KDM4C: variants seen among roughly 807,000 people sequenced by gnomAD.
The protein encoded by KDM4C is lysine-specific demethylase 4C.
In KDM4C, 81 loss-of-function variants were observed where a neutral mutation model predicts 129.3. The ratio of observed to expected loss-of-function variants is 0.63; its 90% CI spans 0.52 to 0.75. The LOEUF is 0.75. Ranked by LOEUF, KDM4C falls within the 30% of genes least tolerant of loss-of-function variation. KDM4C has a pLI of 0.00. For synonymous variants in KDM4C, 573 were observed against 456.1 expected, an observed-to-expected ratio of 1.26 and a Z score of -3.26; for missense variants, 1,457 against 1,304.0, an observed-to-expected ratio of 1.12 and a Z score of -1.81.
At chr9:7,017,326 G>A (rs1195861153) in intron 15 of KDM4C, among the ~76,000 whole-genome samples, 1 of 152,128 alleles carries the variant, frequency 6.6e-6, no homozygotes. Flanking sequence ...TTTCTGGTCT[G>A]TACTAGGCAT....
chr9:6,787,603 T>A (rs1436427204), intron 1 of KDM4C, among the ~76,000 whole-genome samples: 1 of 152,242 alleles, frequency 6.6e-6, no homozygotes, highest in Non-Finnish European at 1.5e-5. Flanking sequence ...TCAAGAAATT[T>A]TGTTCAGAAT....
chr9:7,005,692 G>T (rs1821540801), intron 12 of KDM4C, among the ~76,000 whole-genome samples: 1 of 152,278 alleles, frequency 6.6e-6, no homozygotes, highest in Admixed American at 6.5e-5. Context: ...TAGAGGGGAA[G>T]GATCATCATG....
Position 6,732,107 on chromosome 9 carries a change from T to C in KDM4C, c.49+11110T>C, listed in dbSNP as rs530710748. Among the ~76,000 whole-genome samples, 58 of 151,758 alleles carry C rather than the reference T, an allele frequency of 3.8e-4. No homozygotes were observed. In the South Asian group the frequency reaches 6.1e-3, roughly 16 times the overall value. ...CTGGGGCTGGGTGTGGTGGCTCACA[T>C]CTGTAATCCCAGCACTTGGGAGGCC... On this transcript the variant is annotated intron_variant, in intron 1 of 17. Transcript: ENST00000536108.
At chr9:7,120,277 T>C (rs1839356012) in intron 18 of KDM4C, among the ~76,000 whole-genome samples, 1 of 152,216 alleles carries the variant, frequency 6.6e-6, no homozygotes, top group African/African-American at 2.4e-5. Flanking sequence ...CTTTCCTCCT[T>C]CTTCAGGTTG....
intron 4 of KDM4C, among the ~76,000 whole-genome samples, chr9:6,831,079 G>A (rs1834727913): frequency 2.0e-5 from 3 of 152,144 alleles, no homozygotes; most frequent in Non-Finnish European, 4.4e-5. Context: ...GTTAGATCAC[G>A]TTAGTGTCAT....
At chr9:7,147,964 G>A (rs1842366767) in intron 19 of KDM4C, among the ~76,000 whole-genome samples, 1 of 152,290 alleles carries the variant, frequency 6.6e-6, no homozygotes, top group South Asian at 2.1e-4. Context: ...TCATGCTACT[G>A]GCCCGGATCC....
intron 19 of KDM4C, among the ~76,000 whole-genome samples, chr9:7,131,515 A>G (rs1374349010): frequency 5.3e-5 from 8 of 152,128 alleles, no homozygotes; most frequent in African/African-American, 1.9e-4. Flanking sequence ...ATGGGGTCTC[A>G]CCATGTTGCC....
chr9:6,893,458 GA>G (rs1846391839), intron 8 of KDM4C: 11 of 354,052 alleles, frequency 3.1e-5, no homozygotes, highest in Middle Eastern at 7.7e-4. Context: ...AATTTACCCT[GA>G]TAGGTAATTT....
At chr9:7,141,661 C>T (rs1442046486) in intron 19 of KDM4C, among the ~76,000 whole-genome samples, 2 of 152,124 alleles carry the variant, frequency 1.3e-5, no homozygotes, top group Non-Finnish European at 2.9e-5. Flanking sequence ...CTTCCAGGCC[C>T]AGGATGATGA....
intron 8 of KDM4C, among the ~76,000 whole-genome samples, chr9:6,947,683 A>G (rs1827227031): frequency 6.6e-6 from 1 of 152,122 alleles, no homozygotes; most frequent in South Asian, 2.1e-4. Flanking sequence ...AATTGTTTCA[A>G]ATAACCTGAA....
chr9:6,868,080 G>A (rs1842323846), intron 5 of KDM4C, among the ~76,000 whole-genome samples: 1 of 151,998 alleles, frequency 6.6e-6, no homozygotes, highest in Non-Finnish European at 1.5e-5. Flanking sequence ...AGCTGATATG[G>A]ATGAAATGTG....
In KDM4C at chr9:7,029,092, C is replaced by A. The variant is rs572846340; in HGVS notation, c.2259+13163C>A. Among the ~76,000 whole-genome samples, 5 of 152,218 alleles carry A rather than the reference C, an allele frequency of 3.3e-5. No individual in the cohort carries two copies. In the East Asian group the frequency reaches 9.6e-4, roughly 29 times the overall value. On this transcript the variant is annotated intron_variant, in intron 15 of 21. Coordinates refer to ENST00000381309, the MANE Select transcript of KDM4C (RefSeq NM_015061.6). ...TGGTGTTCCTCCAGAGGGGATGATT[C>A]GTGGAGCCTTCTATTTGGCCATCTT... is the stretch of plus-strand genomic sequence containing the variant.
At chr9:6,966,541 C>A (rs1180036838) in intron 8 of KDM4C, among the ~76,000 whole-genome samples, 1 of 152,170 alleles carries the variant, frequency 6.6e-6, no homozygotes, top group South Asian at 2.1e-4. Context: ...GCATGAAGAT[C>A]AGAAACAAAT....
intron 21 of KDM4C, chr9:7,170,141 G>A (rs1264345462): frequency 4.7e-5 from 64 of 1,361,700 alleles, no homozygotes; most frequent in Non-Finnish European, 5.8e-5. Flanking sequence ...GACATTTATT[G>A]GTGCACAAAA....
At chr9:7,077,138 G>A in intron 17 of KDM4C, 1 of 985,398 alleles carries the variant, frequency 1.0e-6, no homozygotes, top group Non-Finnish European at 1.2e-6. Flanking sequence ...ACACTGGGCT[G>A]ACAGATGTTG....
chr9:6,749,890 G>A (rs1347462083), intron 1 of KDM4C, among the ~76,000 whole-genome samples: 4 of 149,082 alleles, frequency 2.7e-5, no homozygotes, highest in Non-Finnish European at 5.9e-5. Flanking sequence ...GGAGGCCGAG[G>A]CACAAGAATC....
chr9:7,049,374 A>G (rs967653243), intron 17 of KDM4C, among the ~76,000 whole-genome samples, 174 bp downstream of exon 17: 1 of 151,988 alleles, frequency 6.6e-6, no homozygotes, highest in Non-Finnish European at 1.5e-5. Flanking sequence ...TTTTCCTGTT[A>G]TATTGTAAGT....
At chr9:7,067,892 T>A (rs936058442) in intron 17 of KDM4C, among the ~76,000 whole-genome samples, 1 of 151,890 alleles carries the variant, frequency 6.6e-6, no homozygotes, top group East Asian at 1.9e-4. Context: ...GTCTCCCGGG[T>A]TCATGCCATT....
At chr9:6,752,158 C>A (rs1371678438) in intron 1 of KDM4C, among the ~76,000 whole-genome samples, 1 of 149,956 alleles carries the variant, frequency 6.7e-6, no homozygotes, top group East Asian at 2.0e-4. Context: ...ACGGTGAAAC[C>A]CCGTCTCTAC....
Sources: gnomAD v4.1 joint callset for allele counts (sites outside exome capture counted in the v4.1 genomes callset) on GRCh38, gnomAD v4.1.1 for gene constraint, MANE v1.5 for transcripts, NCBI Gene and HGNC (gene_info 2026-07-23, HGNC 2026-07-21) for gene names.